The following SLIT3 variants were observed in gnomAD, a reference collection of about 807,000 sequenced individuals.
SLIT3 encodes the protein slit homolog 3 protein.
SLIT3 carries 68 observed loss-of-function variants against 184.0 expected under a neutral mutation model. The observed-to-expected ratio is 0.37, with a 90% CI of 0.30 to 0.45. SLIT3 has a LOEUF of 0.45. Among genes scored for constraint, SLIT3 ranks in the 20% least tolerant of loss-of-function variants. The pLI is 1.00. For synonymous variants in SLIT3, 831 were observed against 828.6 expected (o/e 1.00, Z -0.05); for missense variants, 1,707 against 2,026.0 (o/e 0.84, Z 3.02).
At chr5:168,901,070 A>G (rs1157005262) in intron 4 of SLIT3, among the ~76,000 whole-genome samples, 1 of 152,176 alleles carries the variant, frequency 6.6e-6, no homozygotes, top group African/African-American at 2.4e-5. Context: ...TGTGCATGTA[A>G]CAAAATTGCA....
chr5:169,144,759 AC>A (rs1437479763), intron 4 of SLIT3, among the ~76,000 whole-genome samples: 3 of 152,182 alleles, frequency 2.0e-5, no homozygotes, highest in Non-Finnish European at 4.4e-5. Context: ...AGACCTCAAA[AC>A]CCAAGACCCG....
In SLIT3 at chr5:168,749,491, G is replaced by T; in HGVS notation, c.2118C>A (p.Ile706=). The part of the protein sequence containing the change: ...LKEIPIQDVA[I]QDFTCDGNEE... ...TCTTACCATCACAGGTGAAGTCCTGGATGGCCACATCCTGGATGGGAATCT... is the reference window on the plus strand; with the variant it reads ...TCTTACCATCACAGGTGAAGTCCTGTATGGCCACATCCTGGATGGGAATCT... The change falls in exon 19 of 36, where the codon ATC becomes ATA. Residue 706 remains isoleucine, a synonymous_variant. Coordinates refer to ENST00000519560, the MANE Select transcript of SLIT3 (RefSeq NM_003062.4). 1 of 1,614,176 alleles carries T rather than the reference G, an allele frequency of 6.2e-7. No homozygotes were observed. The highest frequency in any genetic ancestry group is 1.3e-5 in the African/African-American group (1 of 75,058).
At chr5:168,804,677 A>G (rs1756896479) in intron 9 of SLIT3, among the ~76,000 whole-genome samples, 1 of 152,230 alleles carries the variant, frequency 6.6e-6, no homozygotes, top group South Asian at 2.1e-4. Flanking sequence ...GTGCGGAGGC[A>G]TGGGTTGTGT....
chr5:168,959,501 A>G (rs1249256889), intron 4 of SLIT3, among the ~76,000 whole-genome samples: 1 of 152,212 alleles, frequency 6.6e-6, no homozygotes, highest in Admixed American at 6.5e-5. Context: ...TGTGCAGGAT[A>G]AAGCATCTAT....
Position 168,777,292 on chromosome 5 carries a change from T to C in SLIT3, c.1152-2914A>G, listed in dbSNP as rs191301520. On this transcript the variant is annotated intron_variant, in intron 12 of 35. Transcript: ENST00000519560. Reference sequence around the variant, plus strand: ...ATTGTGTCCCCTTCACTAGTTTACTTGACCTTCCTTGCCTTAGTGGTCATT... The same window carrying C: ...ATTGTGTCCCCTTCACTAGTTTACTCGACCTTCCTTGCCTTAGTGGTCATT... 5.3e-5 allele frequency among the ~76,000 whole-genome samples: 8 copies of C among 152,326 alleles called. No individual in the cohort carries two copies. In the East Asian group the frequency reaches 1.3e-3, roughly 26 times the overall value.
intron 4 of SLIT3, among the ~76,000 whole-genome samples, chr5:169,114,789 T>A (rs749878157): frequency 1.3e-5 from 2 of 152,116 alleles, no homozygotes; most frequent in African/African-American, 2.4e-5. Context: ...GAAAGACGGG[T>A]CCTCCCTGGC....
At chr5:168,677,270 T>C (rs539466630) in intron 32 of SLIT3, among the ~76,000 whole-genome samples, 27 of 152,250 alleles carry the variant, frequency 1.8e-4, no homozygotes, top group Non-Finnish European at 2.9e-4. Flanking sequence ...CTTACAACAT[T>C]GGTTTTTTGG....
At position 168,712,283 on chromosome 5, in the gene SLIT3, A is replaced by G; in HGVS notation, c.2555T>C (p.Leu852Pro). ...ATTGGGGAGAAACACTGCTACTTAC[A>G]GATGGGAAAGAGATGTGAGGTCGTT... Reference protein sequence around the residue: ...SFNDLTSLSHLALGTNPLHCD... With the variant: ...SFNDLTSLSHPALGTNPLHCD... Residue 852 changes from leucine to proline, a missense_variant and splice_region_variant, in exon 24 of 36, where the codon CTG (leucine) becomes CCG (proline). Transcript: ENST00000519560. The G allele has an allele frequency of 6.2e-7, 1 of 1,612,982 alleles. No homozygotes were observed.
At chr5:169,139,320 G>T (rs568853071) in intron 4 of SLIT3, among the ~76,000 whole-genome samples, 7 of 152,340 alleles carry the variant, frequency 4.6e-5, no homozygotes, top group Admixed American at 1.3e-4. Flanking sequence ...TGAATGAGAA[G>T]AATGGTGATT....
chr5:168,872,459 A>T (rs1248993903), intron 5 of SLIT3, among the ~76,000 whole-genome samples: 1 of 152,172 alleles, frequency 6.6e-6, no homozygotes, highest in Non-Finnish European at 1.5e-5. Context: ...CACTAAAGCA[A>T]GGTGTTAATA....
chr5:168,848,402 T>A (rs1309059474), intron 5 of SLIT3, among the ~76,000 whole-genome samples: 1 of 152,048 alleles, frequency 6.6e-6, no homozygotes, highest in Non-Finnish European at 1.5e-5. Context: ...AAACAAGATT[T>A]CTATGGGTCC....
At chr5:168,667,283 T>TATATTTAATA (rs1371798071) in intron 35 of SLIT3, among the ~76,000 whole-genome samples, 2 of 152,186 alleles carry the variant, frequency 1.3e-5, no homozygotes, top group Non-Finnish European at 1.5e-5. Flanking sequence ...TTTAAGTGAA[T>TATATTTAATA]ATATTTAATA....
intron 14 of SLIT3, among the ~76,000 whole-genome samples, chr5:168,766,967 C>T (rs1013847654): frequency 6.6e-6 from 1 of 152,146 alleles, no homozygotes; most frequent in African/African-American, 2.4e-5. Context: ...TGGGGTTGTC[C>T]ACAGCTGGGA....
At position 169,165,374 on chromosome 5, in the gene SLIT3, C is replaced by T. The variant is rs115374021; in HGVS notation, c.413+28105G>A. On this transcript the variant is annotated intron_variant, in intron 4 of 35. Transcript: ENST00000519560. ...GAGGCTTCTGTATCCTTCCTTTCTG[C>T]GTATCTTGAAAATGCTTTCAGAAAG... Among the ~76,000 whole-genome samples, 855 of 152,312 alleles carry T rather than the reference C, an allele frequency of 5.6e-3. 8 individuals are homozygous for T. Among genetic ancestry groups the T allele is most frequent in the African/African-American group, 0.017 (689 of 41,574 alleles).
intron 9 of SLIT3, among the ~76,000 whole-genome samples, chr5:168,804,917 T>C (rs1344066579): frequency 6.6e-6 from 1 of 152,214 alleles, no homozygotes; most frequent in Non-Finnish European, 1.5e-5. Context: ...CCAGCCACAC[T>C]GGCCTTCTGG....
At chr5:168,800,118 T>C (rs1756711183) in intron 9 of SLIT3, among the ~76,000 whole-genome samples, 1 of 152,220 alleles carries the variant, frequency 6.6e-6, no homozygotes, top group African/African-American at 2.4e-5. Context: ...CCTGGGCTAG[T>C]TGGTTGGACC....
chr5:169,290,763 C>G (rs1767336896), intron 1 of SLIT3, among the ~76,000 whole-genome samples: 1 of 150,174 alleles, frequency 6.7e-6, no homozygotes, highest in Non-Finnish European at 1.5e-5. Context: ...TACACTGGGG[C>G]ACATGCTATG....
chr5:168,737,022 G>A lies in SLIT3; in HGVS notation c.2270+11280C>T, dbSNP rs1763459120. Among the ~76,000 whole-genome samples, 4 of 152,184 alleles carry A rather than the reference G, an allele frequency of 2.6e-5. No homozygotes were observed. The South Asian group carries it at 8.3e-4, about 32-fold the overall frequency. The stretch of plus-strand genomic sequence containing the variant: ...TTAAGAAAACCCAGCACAGCACTTG[G>A]TACACAGTAAATGCTCTAGAAATGG... On this transcript the variant is annotated intron_variant, in intron 20 of 35. Transcript: ENST00000519560.
intron 4 of SLIT3, among the ~76,000 whole-genome samples, chr5:168,954,150 C>T (rs544374747): frequency 7.9e-5 from 12 of 152,220 alleles, no homozygotes; most frequent in Non-Finnish European, 1.3e-4. Context: ...AATGCTTTGG[C>T]ACTGGCTTCT....
Sources: allele counts gnomAD v4.1 joint callset (sites outside exome capture counted in the v4.1 genomes callset), GRCh38; gene constraint gnomAD v4.1.1; transcripts MANE v1.5; gene names NCBI Gene and HGNC (gene_info 2026-07-23, HGNC 2026-07-21).